WDR70: variants seen among roughly 807,000 people sequenced by gnomAD.
The protein encoded by WDR70 is WD repeat-containing protein 70.
A neutral mutation model predicts 88.6 loss-of-function variants in WDR70; 53 were observed. The ratio of observed to expected loss-of-function variants is 0.60; its 90% confidence interval spans 0.48 to 0.75. The LOEUF (loss-of-function observed/expected upper bound fraction) is 0.75. WDR70 is among the 30% of genes least tolerant of loss of function. The probability of loss-of-function intolerance (pLI) is 0.00; values close to 1 mark genes in which losing one functional copy is unlikely to be tolerated. For missense variants in WDR70, 610 were observed against 823.2 expected, an observed-to-expected ratio of 0.74 and a Z score of 3.17; for synonymous variants, 280 against 270.0, an observed-to-expected ratio of 1.04 and a Z score of -0.36.
intron 10 of WDR70, among the ~76,000 whole-genome samples, chr5:37,612,171 A>G (rs1744209803): frequency 6.6e-6 from 1 of 152,174 alleles, no homozygotes; most frequent in African/African-American, 2.4e-5. Context: ...AATGATTTAG[A>G]GAATGTTTCT....
intron 10 of WDR70, among the ~76,000 whole-genome samples, chr5:37,626,772 T>C (rs1159208697): frequency 6.6e-6 from 1 of 152,160 alleles, no homozygotes; most frequent in Non-Finnish European, 1.5e-5. Context: ...TTGAAAGACC[T>C]TTTACTACTG....
intron 9 of WDR70, among the ~76,000 whole-genome samples, chr5:37,535,213 T>G (rs556321804): frequency 6.6e-6 from 1 of 152,094 alleles, no homozygotes; most frequent in South Asian, 2.1e-4. Context: ...GAGAAAGCCT[T>G]GGAATTGACT....
chr5:37,524,848 G>A (rs1741210503), intron 9 of WDR70, among the ~76,000 whole-genome samples: 2 of 152,104 alleles, frequency 1.3e-5, no homozygotes. Context: ...TGATAAAACA[G>A]ACATTAAACC....
chr5:37,642,872 A>G (rs1170866228), intron 10 of WDR70, among the ~76,000 whole-genome samples: 1 of 151,966 alleles, frequency 6.6e-6, no homozygotes, highest in Non-Finnish European at 1.5e-5. Context: ...TGCGCTCCTT[A>G]CCTATTCTGG....
At chr5:37,617,541 A>C (rs1364490010) in intron 10 of WDR70, among the ~76,000 whole-genome samples, 1 of 152,214 alleles carries the variant, frequency 6.6e-6, no homozygotes, top group African/African-American at 2.4e-5. Context: ...TGCCACTGGA[A>C]TATGGGAGTG....
intron 10 of WDR70, among the ~76,000 whole-genome samples, chr5:37,674,171 G>C (rs936028032): frequency 2.0e-5 from 3 of 151,898 alleles, no homozygotes; most frequent in African/African-American, 7.3e-5. Flanking sequence ...ATTTCTTCCT[G>C]TAAGTCTTCG....
At chr5:37,713,592 A>G (rs1302124617) in intron 13 of WDR70, among the ~76,000 whole-genome samples, 3 of 152,000 alleles carry the variant, frequency 2.0e-5, no homozygotes, top group Non-Finnish European at 4.4e-5. Context: ...TAATTTTATT[A>G]TTATAATGTT....
At chr5:37,673,756 C>T (rs916558197) in intron 10 of WDR70, among the ~76,000 whole-genome samples, 1 of 152,074 alleles carries the variant, frequency 6.6e-6, no homozygotes, top group Non-Finnish European at 1.5e-5. Flanking sequence ...CTTCCCGATT[C>T]TCTCCCTTCA....
intron 9 of WDR70, among the ~76,000 whole-genome samples, chr5:37,572,180 A>G (rs973960517): frequency 7.2e-5 from 11 of 152,122 alleles, no homozygotes; most frequent in East Asian, 3.9e-4. Flanking sequence ...TCAGTAGGCA[A>G]TCCCTTCCCT....
At chr5:37,481,531 A>T (rs56406522) in intron 8 of WDR70, among the ~76,000 whole-genome samples, 4,313 of 151,914 alleles carry the variant, frequency 0.028, 94 homozygotes, top group Non-Finnish European at 0.042. Flanking sequence ...CCTTTTACCT[A>T]TGGCGGGAGC....
intron 9 of WDR70, among the ~76,000 whole-genome samples, chr5:37,539,561 A>G (rs144229447): frequency 1.1e-3 from 163 of 152,352 alleles, no homozygotes; most frequent in African/African-American, 3.3e-3. Context: ...TCTGTTGTTT[A>G]AGCTACCCAG....
chr5:37,520,707 G>C (rs1741058313), intron 9 of WDR70, among the ~76,000 whole-genome samples: 1 of 152,042 alleles, frequency 6.6e-6, no homozygotes, highest in South Asian at 2.1e-4. Context: ...ATGATAAAGT[G>C]GACATTTGAT....
At chr5:37,579,582 CAAAAAAA>C (rs201135421) in intron 9 of WDR70, among the ~76,000 whole-genome samples, 1 of 82,732 alleles carries the variant, frequency 1.2e-5, no homozygotes, top group East Asian at 3.5e-4. Context: ...GACTCTGTCT[CAAAAAAA>C]AAAAAAAAAA....
rs764570360 is a variant in WDR70 at position 37,701,114 on chromosome 5, G to A, written c.1249G>A (p.Ala417Thr). 3.1e-6 allele frequency: 5 copies of A among 1,610,910 alleles called. No individual in the cohort carries two copies. In the East Asian group the frequency reaches 1.1e-4, roughly 36 times the overall value. ...ACAATTTAATAAACCACTTTTTTCAGCCTCGGGTCTTCCCACCATGTTCCC... is the reference window on the plus strand; with the variant it reads ...ACAATTTAATAAACCACTTTTTTCAACCTCGGGTCTTCCCACCATGTTCCC... ...IRQFNKPLFS[A>T]SGLPTMFPMT... is the part of the protein sequence containing the mutation. Residue 417 changes from alanine to threonine, a missense_variant, in exon 12 of 18, where the codon GCC becomes ACC. Around this residue, in one of 4 missense-constraint regions of WDR70, gnomAD observed 254 missense variants for 300.7 expected, o/e 0.84. Coordinates refer to ENST00000265107, the MANE Select transcript of WDR70 (RefSeq NM_018034.4).
At chr5:37,407,821 C>T (rs1749400114) in intron 5 of WDR70, among the ~76,000 whole-genome samples, 1 of 151,944 alleles carries the variant, frequency 6.6e-6, no homozygotes, top group East Asian at 1.9e-4. Flanking sequence ...GAGCCACAGG[C>T]AGGTGAGCCA....
At chr5:37,451,792 A>G (rs1307305142) in intron 7 of WDR70, among the ~76,000 whole-genome samples, 1 of 152,156 alleles carries the variant, frequency 6.6e-6, no homozygotes, top group African/African-American at 2.4e-5. Flanking sequence ...TGAAGAGATT[A>G]AGACCATTCT....
intron 10 of WDR70, among the ~76,000 whole-genome samples, chr5:37,682,320 T>C (rs772194931): frequency 1.3e-5 from 2 of 152,184 alleles, no homozygotes; most frequent in Non-Finnish European, 2.9e-5. Flanking sequence ...CTTAGCTCTT[T>C]TCTTCTTTAT....
chr5:37,494,466 C>T (rs973653864), intron 8 of WDR70, among the ~76,000 whole-genome samples: 5 of 151,912 alleles, frequency 3.3e-5, no homozygotes, highest in Non-Finnish European at 7.4e-5. Flanking sequence ...TGGGGGAGAA[C>T]GGGGGAGGTT....
At chr5:37,721,270 T>A in intron 14 of WDR70, 55 bp downstream of exon 14, 9 of 1,438,450 alleles carry the variant, frequency 6.3e-6, no homozygotes, top group Non-Finnish European at 7.8e-6. Context: ...GGGGGAGGGA[T>A]TTCCCTCCCA....
Sources: gnomAD v4.1 joint callset for allele counts (sites outside exome capture counted in the v4.1 genomes callset) on GRCh38, gnomAD v4.1.1 for gene constraint, gnomAD v4.1.1 regional missense constraint, MANE v1.5 for transcripts, NCBI Gene and HGNC (gene_info 2026-07-23, HGNC 2026-07-21) for gene names.